ALK: variants seen among roughly 807,000 people sequenced by gnomAD.
The protein encoded by ALK is ALK receptor tyrosine kinase.
Under a neutral mutation model 163.1 loss-of-function variants are expected in ALK, and 74 were observed. The observed-to-expected ratio is 0.45, with a 90% CI of 0.38 to 0.55. The LOEUF (loss-of-function observed/expected upper bound fraction) is 0.55. ALK is among the 20% of genes least tolerant of loss of function. The probability of loss-of-function intolerance (pLI) is 0.00; values close to 1 mark genes in which losing one functional copy is unlikely to be tolerated. For synonymous variants in ALK, 960 were observed against 843.2 expected (o/e 1.14, Z -2.40); for missense variants, 2,063 against 2,105.3 (o/e 0.98, Z 0.39).
chr2:29,436,553 G>C (rs1670401644), intron 4 of ALK, among the ~76,000 whole-genome samples: 1 of 152,166 alleles, frequency 6.6e-6, no homozygotes, highest in African/African-American at 2.4e-5. Flanking sequence ...GAGACAGCAG[G>C]TATCAAGAGT....
chr2:29,352,101 C>T (rs551534853), intron 5 of ALK, among the ~76,000 whole-genome samples: 130 of 152,216 alleles, frequency 8.5e-4, no homozygotes, highest in African/African-American at 2.8e-3. Context: ...GGGTAGGAAT[C>T]GGCCATCTGT....
chr2:29,854,207 C>CTCTTT (rs10630694), intron 1 of ALK, among the ~76,000 whole-genome samples: 110,376 of 151,492 alleles, frequency 0.73, 40,582 homozygotes, highest in Non-Finnish European at 0.78. Flanking sequence ...TCCCTGTATT[C>CTCTTT]TATTTGTATA....
intron 1 of ALK, among the ~76,000 whole-genome samples, chr2:29,791,234 T>C (rs1257926272): frequency 2.0e-5 from 3 of 152,136 alleles, no homozygotes; most frequent in Admixed American, 6.6e-5. Context: ...CCAACCCAAA[T>C]GCCCATCAAT....
At chr2:29,302,219 T>A (rs186128011) in intron 8 of ALK, among the ~76,000 whole-genome samples, 41 of 152,182 alleles carry the variant, frequency 2.7e-4, no homozygotes, top group African/African-American at 9.2e-4. Context: ...AATAGGAGAA[T>A]TAAATAATTA....
intron 3 of ALK, among the ~76,000 whole-genome samples, chr2:29,666,310 G>C (rs1027902758): frequency 6.6e-6 from 1 of 151,826 alleles, no homozygotes; most frequent in Non-Finnish European, 1.5e-5. Context: ...GTCGTTTCTA[G>C]GGTCCCTTTT....
intron 1 of ALK, among the ~76,000 whole-genome samples, chr2:29,728,840 C>T (rs896692609): frequency 3.3e-5 from 5 of 152,100 alleles, no homozygotes. Context: ...CAAAGAACCC[C>T]TTGGAGATGA....
intron 1 of ALK, among the ~76,000 whole-genome samples, chr2:29,843,274 T>C (rs193020872): frequency 5.7e-4 from 86 of 152,162 alleles, no homozygotes; most frequent in Middle Eastern, 3.4e-3. Flanking sequence ...TAGTGAAATT[T>C]TGCCCTACTT....
chr2:29,808,508 AT>A (rs1335582824), intron 1 of ALK, among the ~76,000 whole-genome samples: 2 of 152,090 alleles, frequency 1.3e-5, no homozygotes, highest in Admixed American at 6.5e-5. Flanking sequence ...ACTTTGCCTC[AT>A]TTTTCTTCCA....
intron 1 of ALK, among the ~76,000 whole-genome samples, chr2:29,770,693 A>G (rs757464701): frequency 6.6e-6 from 1 of 152,234 alleles, no homozygotes. Context: ...TGGTGAAATT[A>G]AAAAGATTAT....
chr2:29,849,437 G>A (rs555711821), intron 1 of ALK, among the ~76,000 whole-genome samples: 8 of 152,284 alleles, frequency 5.3e-5, no homozygotes, highest in Admixed American at 1.3e-4. Flanking sequence ...GGCAGGAGGC[G>A]GAACATGCTG....
chr2:29,648,344 A>G (rs1301264152), intron 3 of ALK, among the ~76,000 whole-genome samples: 1 of 152,122 alleles, frequency 6.6e-6, no homozygotes, highest in African/African-American at 2.4e-5. Flanking sequence ...GTGGTGAAAT[A>G]TACATAACAT....
chr2:29,856,933 C>T lies in ALK; in HGVS notation c.667+63060G>A, dbSNP rs11681738. Reference sequence around the variant, plus strand: ...AGGATTCTGTAATAGGCACCGTTCTCAGTTGTACCTTTTAGCCAAGTGTCC... The same window carrying T: ...AGGATTCTGTAATAGGCACCGTTCTTAGTTGTACCTTTTAGCCAAGTGTCC... On this transcript the variant is annotated intron_variant, in intron 1 of 28. Transcript: ENST00000389048. 8.9e-3 allele frequency among the ~76,000 whole-genome samples: 1,356 copies of T among 152,316 alleles called. 10 individuals carry two copies. The highest frequency in any genetic ancestry group is 0.014 in the Non-Finnish European group (946 of 68,026).
At chr2:29,499,420 C>T (rs1369195050) in intron 4 of ALK, among the ~76,000 whole-genome samples, 1 of 151,968 alleles carries the variant, frequency 6.6e-6, no homozygotes, top group Non-Finnish European at 1.5e-5. Flanking sequence ...GGTTTTGAAC[C>T]CCTGGCCTCA....
At chr2:29,658,182 G>GT (rs956919499) in intron 3 of ALK, among the ~76,000 whole-genome samples, 7 of 152,148 alleles carry the variant, frequency 4.6e-5, no homozygotes, top group East Asian at 1.9e-4. Context: ...CTTAAAATGA[G>GT]TTTTTTTCTG....
At chr2:29,481,216 A>C (rs55779337) in intron 4 of ALK, among the ~76,000 whole-genome samples, 39,297 of 152,230 alleles carry the variant, frequency 0.26, 6,035 homozygotes, top group Non-Finnish European at 0.34. Flanking sequence ...TTTGTAGTTC[A>C]GTGCTTTAAC....
At chr2:29,244,076 C>G (rs1170990725) in intron 12 of ALK, among the ~76,000 whole-genome samples, 1 of 152,228 alleles carries the variant, frequency 6.6e-6, no homozygotes, top group Non-Finnish European at 1.5e-5. Flanking sequence ...GAGAGCACAG[C>G]TGGTGTGTAG....
intron 2 of ALK, among the ~76,000 whole-genome samples, chr2:29,701,668 T>C (rs1678740508): frequency 6.6e-6 from 1 of 152,188 alleles, no homozygotes; most frequent in African/African-American, 2.4e-5. Context: ...AGAGGACTTC[T>C]GTGAAGGCGT....
chr2:29,201,397 T>C (rs1343950754), intron 26 of ALK, among the ~76,000 whole-genome samples: 2 of 152,288 alleles, frequency 1.3e-5, no homozygotes, highest in East Asian at 3.9e-4. Flanking sequence ...TATGCATTTG[T>C]TCAAGCCCAA....
intron 1 of ALK, among the ~76,000 whole-genome samples, chr2:29,883,975 T>G (rs1268715977): frequency 6.6e-6 from 1 of 152,204 alleles, no homozygotes; most frequent in African/African-American, 2.4e-5. Context: ...TAAAATGTAT[T>G]AAAACTTATT....
Sources: allele counts gnomAD v4.1 joint callset (sites outside exome capture counted in the v4.1 genomes callset), GRCh38; gene constraint gnomAD v4.1.1; transcripts MANE v1.5; gene names NCBI Gene and HGNC (gene_info 2026-07-23, HGNC 2026-07-21).